The following USP15 variants were observed in gnomAD, a reference collection of about 807,000 sequenced individuals.
The protein encoded by USP15 is ubiquitin carboxyl-terminal hydrolase 15.
A neutral mutation model predicts 127.1 loss-of-function variants in USP15; 18 were observed. The observed-to-expected ratio is 0.14, with a 90% CI of 0.10 to 0.21. The LOEUF (loss-of-function observed/expected upper bound fraction) is 0.21, where lower values mean the gene tolerates loss of function less well. USP15 is among the 10% of genes least tolerant of loss of function. The pLI, the probability that USP15 is intolerant of heterozygous loss-of-function variation, is 1.00. For synonymous variants in USP15, 364 were observed against 393.7 expected, an observed-to-expected ratio of 0.92 and a Z score of 0.89; for missense variants, 805 against 1,159.9, an observed-to-expected ratio of 0.69 and a Z score of 4.44.
At chr12:62,396,112 T>A (rs895281944) in intron 19 of USP15, among the ~76,000 whole-genome samples, 183 bp from the exon 20 acceptor site, 1 of 152,038 alleles carries the variant, frequency 6.6e-6, no homozygotes, top group African/African-American at 2.4e-5. Context: ...ATGTATGATT[T>A]GTTTTGTAAG....
At chr12:62,276,479 T>G (rs901123788) in intron 1 of USP15, among the ~76,000 whole-genome samples, 1 of 152,138 alleles carries the variant, frequency 6.6e-6, no homozygotes, top group African/African-American at 2.4e-5. Context: ...TGGAATTGTT[T>G]GTTTTGCTTA....
At position 62,410,167 on chromosome 12, in the gene USP15, A is replaced by G. The variant is rs982134399; in HGVS notation, c.*5792A>G. 3.3e-5 allele frequency: 5 copies of G among 152,104 alleles called. No individual in the cohort carries two copies. Among genetic ancestry groups the G allele is most frequent in the African/African-American group, 7.2e-5 (3 of 41,424 alleles). The allele number at this position is 152,104 out of a possible 1,614,324, so 9.4% of individuals were successfully genotyped here. A position where few individuals can be genotyped will look rare whatever the true frequency, so the allele number is the denominator to read the frequency against. On this transcript the variant is annotated 3_prime_UTR_variant, in exon 22 of 22. Transcript: ENST00000280377. Reference sequence around the variant, plus strand: ...AAGTGGGCAATATTTAAATTGTCTGATAAGTTCATCCAAATTAATCCCATC... The same window carrying G: ...AAGTGGGCAATATTTAAATTGTCTGGTAAGTTCATCCAAATTAATCCCATC...
rs2068008329 is a variant in USP15 at position 62,410,325 on chromosome 12, A to G, written c.*5950A>G. The G allele has an allele frequency of 6.6e-6, 1 of 152,142 alleles. No individual in the cohort carries two copies. 9.4% of individuals were successfully genotyped at this position (152,142 alleles called of 1,614,324 possible). On this transcript the variant is annotated 3_prime_UTR_variant, in exon 22 of 22. Transcript: ENST00000280377. The stretch of plus-strand genomic sequence containing the variant: ...GTGGTGAATTATCAGTCTCCCAAGA[A>G]TTATGTAAAGCAAATAGGAATTATT...
Position 62,414,145 on chromosome 12 carries a change from A to G in USP15, c.*9770A>G, listed in dbSNP as rs1005802840. The G allele has an allele frequency of 6.6e-6, 1 of 152,254 alleles. No homozygotes were observed. Among genetic ancestry groups the G allele is most frequent in the Non-Finnish European group, 1.5e-5 (1 of 68,048 alleles). 9.4% of individuals were successfully genotyped at this position (152,254 alleles called of 1,614,324 possible). On this transcript the variant is annotated 3_prime_UTR_variant, in exon 22 of 22. Coordinates refer to ENST00000280377, the MANE Select transcript of USP15 (RefSeq NM_001252078.2). ...CACAGATCACCGTAACAGATACAATAATAATGAAGACATTTGAAATGTGAG... is the reference window on the plus strand; with the variant it reads ...CACAGATCACCGTAACAGATACAATGATAATGAAGACATTTGAAATGTGAG...
chr12:62,299,903 T>C (rs2064254923), intron 2 of USP15, among the ~76,000 whole-genome samples: 1 of 152,206 alleles, frequency 6.6e-6, no homozygotes, highest in Admixed American at 6.5e-5. Context: ...TGACGTGCAT[T>C]TCCCTAGTGA....
In USP15 at chr12:62,260,426, C is replaced by T. The variant is rs1372746959; in HGVS notation, c.12C>T (p.Gly4=). 4 of 1,551,136 alleles carry T rather than the reference C, an allele frequency of 2.6e-6. No homozygotes were observed. Among genetic ancestry groups the T allele is most frequent in the East Asian group, 2.4e-5 (1 of 41,002 alleles). ...GCTAGTGGAAGAAGATGGCGGAAGG[C>T]GGAGCGGCGGATCTGGACACCCAGC... MAE[G]GAADLDTQRS... is the part of the protein sequence containing the mutation. Residue 4 remains glycine, a synonymous_variant, in exon 1 of 22, where the codon GGC becomes GGT. Transcript: ENST00000280377.
intron 1 of USP15, among the ~76,000 whole-genome samples, chr12:62,263,482 G>A (rs2063119794): frequency 6.6e-6 from 1 of 152,140 alleles, no homozygotes; most frequent in South Asian, 2.1e-4. Context: ...ATTTCATTCT[G>A]TGTAAGTACT....
intron 6 of USP15, among the ~76,000 whole-genome samples, chr12:62,342,804 C>T (rs1347870240): frequency 6.6e-6 from 1 of 152,150 alleles, no homozygotes; most frequent in Admixed American, 6.5e-5. Flanking sequence ...GGCCTGATGC[C>T]AGCCGGAGCT....
chr12:62,264,746 A>C (rs2063154733), intron 1 of USP15, among the ~76,000 whole-genome samples: 1 of 152,200 alleles, frequency 6.6e-6, no homozygotes. Context: ...ATAACCTTAT[A>C]CTCACAAATC....
At chr12:62,280,400 G>T (rs1406833912) in intron 1 of USP15, among the ~76,000 whole-genome samples, 3 of 152,120 alleles carry the variant, frequency 2.0e-5, no homozygotes, top group East Asian at 1.9e-4. Context: ...CCTGTAAGTG[G>T]CTTAAAAACA....
At chr12:62,267,491 T>A (rs71465148) in intron 1 of USP15, among the ~76,000 whole-genome samples, 9,721 of 152,170 alleles carry the variant, frequency 0.064, 403 homozygotes, top group Middle Eastern at 0.095. Context: ...CTTTACTACT[T>A]CCATCACTAA....
At chr12:62,327,705 T>G (rs753542952) in intron 6 of USP15, 3 of 431,152 alleles carry the variant, frequency 7.0e-6, no homozygotes, top group Non-Finnish European at 1.4e-5. Context: ...GTACTTGGCT[T>G]TGTGTGAAAG....
intron 1 of USP15, among the ~76,000 whole-genome samples, chr12:62,264,084 A>G (rs2063138767): frequency 6.6e-6 from 1 of 152,176 alleles, no homozygotes; most frequent in African/African-American, 2.4e-5. Context: ...TCCAGGGTTC[A>G]AGTGATCCTC....
At chr12:62,308,428 G>A (rs1003890588) in intron 3 of USP15, among the ~76,000 whole-genome samples, 1 of 152,012 alleles carries the variant, frequency 6.6e-6, no homozygotes, top group African/African-American at 2.4e-5. Context: ...TGGCAGAAGT[G>A]GTGGTATGTC....
intron 9 of USP15, 21 bp from the exon 10 acceptor site, chr12:62,383,819 A>G: frequency 6.2e-7 from 1 of 1,606,524 alleles, no homozygotes. Flanking sequence ...AACTGATTTG[A>G]TGGTTTTGCA....
At chr12:62,387,433 A>C (rs2067187505) in intron 11 of USP15, among the ~76,000 whole-genome samples, 1 of 152,190 alleles carries the variant, frequency 6.6e-6, no homozygotes, top group African/African-American at 2.4e-5. Context: ...ATTGAGAAGA[A>C]GGCTAAAGAC....
chr12:62,389,016 G>A (rs896598758), intron 11 of USP15, among the ~76,000 whole-genome samples: 2 of 152,254 alleles, frequency 1.3e-5, no homozygotes, highest in African/African-American at 2.4e-5. Context: ...TCCTAGCTAC[G>A]CAAGAGGCTG....
At chr12:62,286,549 G>A (rs1022359184) in intron 1 of USP15, among the ~76,000 whole-genome samples, 11 of 152,130 alleles carry the variant, frequency 7.2e-5, no homozygotes, top group Admixed American at 5.9e-4. Flanking sequence ...CTACCAAAAA[G>A]ACACTTACAC....
chr12:62,346,640 G>A (rs1342262625), intron 6 of USP15, among the ~76,000 whole-genome samples: 2 of 152,034 alleles, frequency 1.3e-5, no homozygotes, highest in Non-Finnish European at 2.9e-5. Flanking sequence ...TCCCTAACTG[G>A]TCTCCCAATC....
Sources: gnomAD v4.1 joint callset for allele counts (sites outside exome capture counted in the v4.1 genomes callset) on GRCh38, gnomAD v4.1.1 for gene constraint, MANE v1.5 for transcripts, NCBI Gene and HGNC (gene_info 2026-07-23, HGNC 2026-07-21) for gene names.